GPC6: variants seen among roughly 807,000 people sequenced by gnomAD.
The protein encoded by GPC6 is glypican 6, also known as glypican-6.
GPC6 carries 14 observed loss-of-function variants against 55.2 expected under a neutral mutation model. That is an observed-to-expected ratio of 0.25 (90% CI 0.17 to 0.40). The LOEUF (loss-of-function observed/expected upper bound fraction) is 0.40. Ranked by LOEUF, GPC6 falls within the 10% of genes least tolerant of loss-of-function variation. The probability of loss-of-function intolerance (pLI) is 1.00; values close to 1 mark genes in which losing one functional copy is unlikely to be tolerated. For synonymous variants in GPC6, 278 were observed against 259.6 expected, an observed-to-expected ratio of 1.07 and a Z score of -0.68; for missense variants, 641 against 708.5, an observed-to-expected ratio of 0.90 and a Z score of 1.08.
At chr13:93,986,251 T>C (rs1881026195) in intron 3 of GPC6, among the ~76,000 whole-genome samples, 1 of 152,212 alleles carries the variant, frequency 6.6e-6, no homozygotes. Context: ...TTGCTTATTC[T>C]TTTATTTATC....
At chr13:93,503,639 A>G (rs1880604475) in intron 1 of GPC6, among the ~76,000 whole-genome samples, 1 of 152,150 alleles carries the variant, frequency 6.6e-6, no homozygotes, top group South Asian at 2.1e-4. Flanking sequence ...GTATATCGGA[A>G]TCTACTACTG....
intron 1 of GPC6, among the ~76,000 whole-genome samples, chr13:93,381,398 G>C (rs1875163962): frequency 6.6e-6 from 1 of 152,084 alleles, no homozygotes; most frequent in African/African-American, 2.4e-5. Context: ...AAAAAAAAGG[G>C]AAGAATTGTC....
chr13:94,379,603 A>G (rs1880066819), intron 6 of GPC6, among the ~76,000 whole-genome samples: 1 of 152,190 alleles, frequency 6.6e-6, no homozygotes, highest in South Asian at 2.1e-4. Flanking sequence ...CATACAGTCT[A>G]TGACCTTGTA....
intron 3 of GPC6, among the ~76,000 whole-genome samples, chr13:93,985,770 G>A (rs1232373249): frequency 2.0e-5 from 3 of 149,762 alleles, no homozygotes; most frequent in African/African-American, 4.9e-5. Flanking sequence ...CTGCATACTC[G>A]CTTTCTGCTT....
intron 1 of GPC6, among the ~76,000 whole-genome samples, chr13:93,502,507 T>G (rs1383832529): frequency 6.6e-6 from 1 of 152,126 alleles, no homozygotes; most frequent in Non-Finnish European, 1.5e-5. Flanking sequence ...ATGTTTTTGT[T>G]TACATTAATG....
At chr13:94,361,666 T>C (rs12584548) in intron 6 of GPC6, among the ~76,000 whole-genome samples, 25,895 of 152,228 alleles carry the variant, frequency 0.17, 3,052 homozygotes, top group African/African-American at 0.32. Context: ...GAATCAATGG[T>C]GACAATAATC....
chr13:94,156,264 G>A (rs931077784), intron 4 of GPC6, among the ~76,000 whole-genome samples: 1 of 152,070 alleles, frequency 6.6e-6, no homozygotes, highest in Non-Finnish European at 1.5e-5. Flanking sequence ...CAAGACAACA[G>A]TAGTCACAAT....
chr13:94,322,809 G>A (rs79470820), intron 6 of GPC6, among the ~76,000 whole-genome samples: 2,178 of 152,088 alleles, frequency 0.014, 52 homozygotes, highest in African/African-American at 0.05. Flanking sequence ...TCTGCTGTGG[G>A]TTGCAGAACC....
At chr13:93,587,018 C>T (rs1286519213) in intron 2 of GPC6, among the ~76,000 whole-genome samples, 2 of 152,080 alleles carry the variant, frequency 1.3e-5, no homozygotes, top group Non-Finnish European at 2.9e-5. Flanking sequence ...AGTCTAAGGA[C>T]CTGGTTTTTA....
At chr13:94,266,164 G>T (rs199679971) in intron 4 of GPC6, among the ~76,000 whole-genome samples, 983 of 94,476 alleles carry the variant, frequency 0.01, 5 homozygotes, top group African/African-American at 0.028. Flanking sequence ...TTTTTTTTTT[G>T]TTTGTTTGTT....
chr13:93,258,699 G>A (rs1877036049), intron 1 of GPC6, among the ~76,000 whole-genome samples: 2 of 152,088 alleles, frequency 1.3e-5, no homozygotes, highest in South Asian at 2.1e-4. Flanking sequence ...AGCACTTTAG[G>A]AGGCTGAGGC....
chr13:94,145,012 A>C (rs1037318443), intron 4 of GPC6, among the ~76,000 whole-genome samples: 2 of 152,130 alleles, frequency 1.3e-5, no homozygotes, highest in Non-Finnish European at 2.9e-5. Context: ...CAGAGTTTGA[A>C]ATATTGATTA....
In GPC6 at chr13:94,165,292, A is replaced by T. The variant is rs185001999; in HGVS notation, c.878-121057A>T. 2.7e-3 allele frequency among the ~76,000 whole-genome samples: 400 copies of T among 149,140 alleles called. 2 individuals are homozygous for T. Among genetic ancestry groups the T allele is most frequent in the African/African-American group, 9.3e-3 (379 of 40,910 alleles). ...TATATACACATATATATATATATAT[A>T]CATAATGGAATACTATTCAGCCATA... On this transcript the variant is annotated intron_variant, in intron 4 of 8. Transcript: ENST00000377047.
intron 1 of GPC6, among the ~76,000 whole-genome samples, chr13:93,294,529 C>T (rs1878419796): frequency 6.6e-6 from 1 of 152,026 alleles, no homozygotes. Flanking sequence ...TAAGGTAGTT[C>T]ATGCATTTCC....
chr13:94,029,580 G>A (rs1006288676), intron 4 of GPC6, among the ~76,000 whole-genome samples: 2 of 152,154 alleles, frequency 1.3e-5, no homozygotes, highest in African/African-American at 4.8e-5. Context: ...AAACCTCGTA[G>A]CATCATTTGG....
At chr13:94,258,355 A>G (rs771516886) in intron 4 of GPC6, among the ~76,000 whole-genome samples, 1 of 152,222 alleles carries the variant, frequency 6.6e-6, no homozygotes, top group Non-Finnish European at 1.5e-5. Flanking sequence ...GGCCATAGCT[A>G]TCATTTCACT....
intron 3 of GPC6, among the ~76,000 whole-genome samples, chr13:94,016,156 G>A (rs907418739): frequency 6.6e-6 from 1 of 152,078 alleles, no homozygotes; most frequent in East Asian, 1.9e-4. Flanking sequence ...TTTGTGACTG[G>A]CTTATTTTAC....
intron 2 of GPC6, among the ~76,000 whole-genome samples, chr13:93,759,347 A>G (rs1239833955): frequency 6.6e-6 from 1 of 152,188 alleles, no homozygotes; most frequent in African/African-American, 2.4e-5. Flanking sequence ...TGACTAGAGA[A>G]GAGACCAGCA....
chr13:93,924,126 G>T (rs564038690), intron 3 of GPC6, among the ~76,000 whole-genome samples: 7 of 152,314 alleles, frequency 4.6e-5, no homozygotes, highest in African/African-American at 1.7e-4. Context: ...GGGTCTGTGA[G>T]CTCCTAAGTT....
Sources: allele counts gnomAD v4.1 joint callset (sites outside exome capture counted in the v4.1 genomes callset), GRCh38; gene constraint gnomAD v4.1.1; transcripts MANE v1.5; gene names NCBI Gene and HGNC (gene_info 2026-07-23, HGNC 2026-07-21).